The following VSTM4 variants were observed in gnomAD, a reference collection of about 807,000 sequenced individuals.
VSTM4 encodes V-set and transmembrane domain-containing protein 4.
Under a neutral mutation model 36.4 loss-of-function variants are expected in VSTM4, and 20 were observed. That is an observed-to-expected ratio of 0.55 (90% CI 0.39 to 0.80). The LOEUF (loss-of-function observed/expected upper bound fraction) is 0.80, where lower values mean the gene tolerates loss of function less well. VSTM4 is among the 30% of genes least tolerant of loss of function. The probability of loss-of-function intolerance (pLI) is 0.00; values close to 1 mark genes in which losing one functional copy is unlikely to be tolerated. For missense variants in VSTM4, 392 were observed against 404.5 expected, an observed-to-expected ratio of 0.97 and a Z score of 0.26; for synonymous variants, 182 against 173.9, an observed-to-expected ratio of 1.05 and a Z score of -0.37.
chr10:49,077,467 G>A (rs1220275244), intron 3 of VSTM4, 141 bp from the exon 4 acceptor site: 1 of 711,404 alleles, frequency 1.4e-6, no homozygotes, highest in African/African-American at 1.8e-5. Context: ...TGCAAGGACA[G>A]ACACAGATCA....
chr10:49,079,374 T>C (rs1466912196), intron 3 of VSTM4, among the ~76,000 whole-genome samples: 1 of 152,172 alleles, frequency 6.6e-6, no homozygotes, highest in Non-Finnish European at 1.5e-5. Flanking sequence ...CAGCTACATA[T>C]ACTTACATTT....
intron 4 of VSTM4, among the ~76,000 whole-genome samples, chr10:49,073,638 T>A (rs1246212908): frequency 6.6e-6 from 1 of 152,188 alleles, no homozygotes; most frequent in African/African-American, 2.4e-5. Context: ...AATCCTGCCC[T>A]TCCCCCAACC....
intron 2 of VSTM4, among the ~76,000 whole-genome samples, 163 bp from the exon 3 acceptor site, chr10:49,086,186 AC>A (rs1590118633): frequency 6.6e-6 from 1 of 152,228 alleles, no homozygotes; most frequent in Non-Finnish European, 1.5e-5. Flanking sequence ...CAGTTGGGAA[AC>A]AAGGGGCACA....
At chr10:49,027,067 A>G (rs972977939) in intron 7 of VSTM4, among the ~76,000 whole-genome samples, 4 of 152,056 alleles carry the variant, frequency 2.6e-5, no homozygotes, top group African/African-American at 9.7e-5. Flanking sequence ...GGCCCTCTGA[A>G]TGCCCTGACA....
chr10:49,023,496 T>A (rs1843211849), intron 7 of VSTM4, among the ~76,000 whole-genome samples: 1 of 152,136 alleles, frequency 6.6e-6, no homozygotes, highest in Non-Finnish European at 1.5e-5. Flanking sequence ...TAAGACTAGG[T>A]AAACTAAAAA....
chr10:49,054,133 T>C (rs969196338), intron 5 of VSTM4, among the ~76,000 whole-genome samples: 10 of 152,136 alleles, frequency 6.6e-5, no homozygotes, highest in South Asian at 2.1e-4. Context: ...GAAGGGGACA[T>C]GGGACTTGAT....
intron 6 of VSTM4, among the ~76,000 whole-genome samples, 157 bp from the exon 7 acceptor site, chr10:49,047,201 C>T (rs1057493661): frequency 1.3e-5 from 2 of 152,140 alleles, no homozygotes; most frequent in Non-Finnish European, 2.9e-5. Flanking sequence ...TGCCCCTCGG[C>T]GGGCGTGATC....
chr10:49,053,089 T>A (rs532069224), intron 5 of VSTM4, among the ~76,000 whole-genome samples: 1 of 152,248 alleles, frequency 6.6e-6, no homozygotes, highest in Non-Finnish European at 1.5e-5. Context: ...GGCTATATTT[T>A]GTCTCTGACA....
At chr10:49,096,621 C>G (rs985079625) in intron 2 of VSTM4, among the ~76,000 whole-genome samples, 1 of 84,212 alleles carries the variant, frequency 1.2e-5, no homozygotes, top group Non-Finnish European at 2.2e-5. Context: ...CCATTGAAGA[C>G]CGTGTGTGTG....
intron 2 of VSTM4, among the ~76,000 whole-genome samples, chr10:49,096,668 T>TGTGTGTGTGTGTGTGTGTGTG (rs1564593231): frequency 1.2e-4 from 18 of 147,270 alleles, no homozygotes; most frequent in African/African-American, 4.0e-4. Context: ...TGTGTGTGTG[T>TGTGTGTGTGTGTGTGTGTGTG]TTTGAGACGG....
At position 49,015,722 on chromosome 10, in the gene VSTM4, A is replaced by G. The variant is rs1039627951; in HGVS notation, c.*3928T>C. The G allele has an allele frequency of 6.6e-6, 1 of 152,158 alleles. No homozygotes were observed. Among genetic ancestry groups the G allele is most frequent in the Non-Finnish European group, 1.5e-5 (1 of 68,048 alleles). The allele number at this position is 152,158 out of a possible 1,614,324, so 9.4% of individuals were successfully genotyped here. Reference sequence around the variant, plus strand: ...CACAGAGCTGGGTCACCTGGGTCTCACTGCAGTTTCCTGGATCAGGGATAC... The same window carrying G: ...CACAGAGCTGGGTCACCTGGGTCTCGCTGCAGTTTCCTGGATCAGGGATAC... On this transcript the variant is annotated 3_prime_UTR_variant, in exon 8 of 8. Transcript: ENST00000332853.
intron 2 of VSTM4, among the ~76,000 whole-genome samples, chr10:49,090,594 C>T (rs531122942): frequency 6.6e-6 from 1 of 152,266 alleles, no homozygotes; most frequent in African/African-American, 2.4e-5. Flanking sequence ...AATGATGCTG[C>T]CCCTCTCTGC....
At chr10:49,072,522 TAA>T (rs1169469980) in intron 4 of VSTM4, among the ~76,000 whole-genome samples, 2 of 152,196 alleles carry the variant, frequency 1.3e-5, no homozygotes, top group African/African-American at 4.8e-5. Flanking sequence ...GAGACAGCAA[TAA>T]AGTCTCCTTT....
chr10:49,034,083 C>T (rs1843389396), intron 7 of VSTM4, among the ~76,000 whole-genome samples: 4 of 152,068 alleles, frequency 2.6e-5, no homozygotes, highest in Admixed American at 2.6e-4. Flanking sequence ...CCATCACTGT[C>T]ATCACCATCA....
chr10:49,065,258 C>T (rs1042455120), intron 4 of VSTM4, among the ~76,000 whole-genome samples: 3 of 152,140 alleles, frequency 2.0e-5, no homozygotes, highest in African/African-American at 7.2e-5. Context: ...AGTAAGAATA[C>T]CTAGGCACAT....
rs975297103 is a variant in VSTM4 at position 49,016,583 on chromosome 10, C to T, written c.*3067G>A. 5.9e-5 allele frequency: 9 copies of T among 152,182 alleles called. No individual in the cohort carries two copies. The highest frequency in any genetic ancestry group is 4.1e-4 in the South Asian group (2 of 4,828). 9.4% of individuals were successfully genotyped at this position (152,182 alleles called of 1,614,324 possible). The stretch of plus-strand genomic sequence containing the variant: ...GCAGGGCCATGAATAATTCCCAAAG[C>T]GAGGGGGTCTTTGGGCTCATTGCTG... On this transcript the variant is annotated 3_prime_UTR_variant, in exon 8 of 8. Transcript: ENST00000332853.
At chr10:49,024,316 T>G (rs1843224578) in intron 7 of VSTM4, among the ~76,000 whole-genome samples, 1 of 152,126 alleles carries the variant, frequency 6.6e-6, no homozygotes, top group Non-Finnish European at 1.5e-5. Context: ...TACCAGCCAG[T>G]GAGAATCCAC....
chr10:49,047,655 C>T (rs574238606), intron 6 of VSTM4, among the ~76,000 whole-genome samples: 1 of 152,162 alleles, frequency 6.6e-6, no homozygotes, highest in African/African-American at 2.4e-5. Context: ...CAGGCGTTCT[C>T]TACTCCCTTC....
chr10:49,073,024 T>C (rs978509370), intron 4 of VSTM4, among the ~76,000 whole-genome samples: 5 of 152,248 alleles, frequency 3.3e-5, no homozygotes, highest in East Asian at 1.9e-4. Context: ...TATTCTTAGT[T>C]ATACCTTCAA....
Sources: allele counts gnomAD v4.1 joint callset (sites outside exome capture counted in the v4.1 genomes callset), GRCh38; gene constraint gnomAD v4.1.1; transcripts MANE v1.5; gene names NCBI Gene and HGNC (gene_info 2026-07-23, HGNC 2026-07-21).